The following CREM variants were observed in gnomAD, a reference collection of about 807,000 sequenced individuals.
CREM encodes cAMP-responsive element modulator.
CREM carries 13 observed loss-of-function variants against 37.3 expected under a neutral mutation model. The ratio of observed to expected loss-of-function variants is 0.35; its 90% CI spans 0.23 to 0.55. CREM has a LOEUF of 0.55. Ranked by LOEUF, CREM falls within the 20% of genes least tolerant of loss-of-function variation. The pLI is 0.88. For missense variants in CREM, 296 were observed against 362.3 expected (o/e 0.82, Z 1.49); for synonymous variants, 124 against 120.2 (o/e 1.03, Z -0.21).
rs1296139529 is a variant in CREM, at chr10:35,178,934, G to A, written c.214G>A (p.Val72Ile). Reference sequence around the variant, plus strand: ...AGATGAATCTGCAGAATCAGAAGGTGTAATTGATTCTCATAAACGTAGAGA... The same window carrying A: ...AGATGAATCTGCAGAATCAGAAGGTATAATTGATTCTCATAAACGTAGAGA... ...ETDESAESEG[V>I]IDSHKRREIL... Residue 72 changes from valine (V) to isoleucine (I), a missense_variant, in exon 4 of 8, where the codon GTA becomes ATA. Transcript: ENST00000685392. 5.0e-6 allele frequency: 8 copies of A among 1,613,538 alleles called. No homozygotes were observed. In the African/African-American group the frequency reaches 6.7e-5, roughly 13 times the overall value.
intron 1 of CREM, among the ~76,000 whole-genome samples, chr10:35,128,433 T>A (rs1430415126): frequency 6.6e-6 from 1 of 152,214 alleles, no homozygotes; most frequent in Non-Finnish European, 1.5e-5. Context: ...AGGTCCGCTG[T>A]GAACATTGCA....
chr10:35,178,340 A>C (rs2094190429), intron 3 of CREM, among the ~76,000 whole-genome samples: 1 of 152,064 alleles, frequency 6.6e-6, no homozygotes, highest in Non-Finnish European at 1.5e-5. Context: ...GCCCTAACTT[A>C]CTCCTTGTAA....
chr10:35,148,725 C>T (rs1194694437), intron 3 of CREM: 1 of 413,886 alleles, frequency 2.4e-6, no homozygotes, highest in Non-Finnish European at 4.3e-6. Context: ...AAAACAAAAA[C>T]CCTTCCTGAA....
intron 3 of CREM, among the ~76,000 whole-genome samples, chr10:35,153,582 G>A (rs891225445): frequency 6.6e-6 from 1 of 152,146 alleles, no homozygotes; most frequent in Non-Finnish European, 1.5e-5. Flanking sequence ...AGACCTAGGT[G>A]GGTAAGGTCA....
chr10:35,201,600 C>G (rs2095387091), intron 6 of CREM: 1 of 1,319,334 alleles, frequency 7.6e-7, no homozygotes, highest in Non-Finnish European at 1.0e-6. Flanking sequence ...ATTGAGAGTT[C>G]TAGGAATTTT....
At chr10:35,209,534 A>G (rs1296217545) in intron 7 of CREM, 1 of 164,358 alleles carries the variant, frequency 6.1e-6, no homozygotes, top group Non-Finnish European at 1.3e-5. Flanking sequence ...ATGCACACAC[A>G]CACATGCACA....
At chr10:35,134,943 C>A (rs1269269189) in intron 1 of CREM, among the ~76,000 whole-genome samples, 4 of 151,696 alleles carry the variant, frequency 2.6e-5, no homozygotes, top group African/African-American at 7.3e-5. Flanking sequence ...GAGGCTGAGG[C>A]ATGAGAACTG....
intron 3 of CREM, among the ~76,000 whole-genome samples, chr10:35,170,006 A>C (rs1265198657): frequency 7.2e-6 from 1 of 138,608 alleles, no homozygotes; most frequent in African/African-American, 2.7e-5. Context: ...TCTTTTGCCC[A>C]AGCTGGAGTG....
Position 35,172,572 on chromosome 10 carries a change from GTT to G in CREM, c.169-6305_169-6304del, listed in dbSNP as rs11296111. ...TATTCTTCACTGCCATCCACTTGCA[GTT>G]TTTTTTTTTTTAAGTCAGTTTTACT... On this transcript the variant is annotated intron_variant, in intron 3 of 7. Coordinates refer to ENST00000685392, the MANE Select transcript of CREM (RefSeq NM_183011.2). 2.6e-3 allele frequency among the ~76,000 whole-genome samples: 383 copies of G among 147,380 alleles called. 2 individuals carry two copies. Among genetic ancestry groups the G allele is most frequent in the Non-Finnish European group, 3.6e-3 (241 of 66,666 alleles).
intron 3 of CREM, among the ~76,000 whole-genome samples, chr10:35,177,698 C>G (rs1169470467): frequency 6.6e-6 from 1 of 152,164 alleles, no homozygotes; most frequent in Non-Finnish European, 1.5e-5. Context: ...GGATCTTGTC[C>G]TAGAATACTT....
Position 35,145,280 on chromosome 10 carries a change from TC to T in CREM, c.45-3087del, listed in dbSNP as rs1183355324. ...CTAAATCTAATTATCCCCCTTTCCC[TC>T]ACCCAGATTTTCTACTCCAATCACC... On this transcript the variant is annotated intron_variant, in intron 2 of 7. Coordinates refer to ENST00000685392, the MANE Select transcript of CREM (RefSeq NM_183011.2). Among the ~76,000 whole-genome samples the T allele has an allele frequency of 3.3e-5, 5 of 151,506 alleles. No individual in the cohort carries two copies. The East Asian group carries it at 9.8e-4, about 30-fold the overall frequency.
chr10:35,137,076 A>G (rs1472076334), intron 1 of CREM, among the ~76,000 whole-genome samples: 3 of 152,280 alleles, frequency 2.0e-5, no homozygotes, highest in African/African-American at 7.2e-5. Flanking sequence ...AGCCTCCCGC[A>G]GTGCTGGGAT....
chr10:35,171,954 T>A (rs1398927890), intron 3 of CREM, among the ~76,000 whole-genome samples: 3 of 152,184 alleles, frequency 2.0e-5, no homozygotes, highest in African/African-American at 7.2e-5. Flanking sequence ...CTACCCTCCT[T>A]ACTTACCTGT....
intron 5 of CREM, among the ~76,000 whole-genome samples, chr10:35,187,155 A>G (rs193187681): frequency 9.2e-5 from 6 of 65,436 alleles, no homozygotes; most frequent in African/African-American, 2.5e-4. Context: ...TAATATATAT[A>G]ATATATATTA....
chr10:35,155,626 C>CTT (rs1469024435), intron 3 of CREM, among the ~76,000 whole-genome samples: 8 of 41,818 alleles, frequency 1.9e-4, no homozygotes, highest in African/African-American at 3.7e-4. Flanking sequence ...CTTTTCTTTT[C>CTT]TTTTCTTTTT....
intron 5 of CREM, among the ~76,000 whole-genome samples, chr10:35,187,217 TTA>T (rs1170007642): frequency 9.7e-6 from 1 of 102,598 alleles, no homozygotes; most frequent in Non-Finnish European, 1.8e-5. Context: ...TATTATATAT[TTA>T]TATATATAAA....
At chr10:35,131,223 A>T (rs562367894) in intron 1 of CREM, among the ~76,000 whole-genome samples, 1 of 152,340 alleles carries the variant, frequency 6.6e-6, no homozygotes, top group East Asian at 1.9e-4. Flanking sequence ...AAATATCAAG[A>T]TACTAATAAA....
chr10:35,165,065 A>AG (rs1564852027), intron 3 of CREM, among the ~76,000 whole-genome samples: 1 of 150,574 alleles, frequency 6.6e-6, no homozygotes, highest in African/African-American at 2.5e-5. Context: ...TCAAAAAAAA[A>AG]AAAAAAAAAA....
chr10:35,154,205 G>A (rs184804720), intron 3 of CREM: 6 of 396,748 alleles, frequency 1.5e-5, no homozygotes, highest in Middle Eastern at 6.3e-4. Flanking sequence ...TGGAAAATTG[G>A]AATGGCATTT....
Sources: allele counts gnomAD v4.1 joint callset (sites outside exome capture counted in the v4.1 genomes callset), GRCh38; gene constraint gnomAD v4.1.1; transcripts MANE v1.5; gene names NCBI Gene and HGNC (gene_info 2026-07-23, HGNC 2026-07-21).